The following MYRIP variants were observed in gnomAD, a reference collection of about 807,000 sequenced individuals.
MYRIP encodes rab effector MyRIP.
In MYRIP, 49 loss-of-function variants were observed where a neutral mutation model predicts 98.0. The ratio of observed to expected loss-of-function variants is 0.50; its 90% CI spans 0.40 to 0.63. MYRIP has a LOEUF of 0.63. Among genes scored for constraint, MYRIP ranks in the 30% least tolerant of loss-of-function variants. The pLI, the probability that MYRIP is intolerant of heterozygous loss-of-function variation, is 0.00. For synonymous variants in MYRIP, 404 were observed against 409.5 expected (o/e 0.99, Z 0.16); for missense variants, 1,004 against 1,058.2 (o/e 0.95, Z 0.71).
intron 1 of MYRIP, among the ~76,000 whole-genome samples, chr3:39,849,283 T>A (rs1191986427): frequency 1.3e-5 from 2 of 152,088 alleles, no homozygotes; most frequent in Non-Finnish European, 2.9e-5. Context: ...AGAAAAAAAA[T>A]TTCCCAGGAT....
At chr3:39,953,031 T>C (rs1945065642) in intron 2 of MYRIP, among the ~76,000 whole-genome samples, 1 of 152,186 alleles carries the variant, frequency 6.6e-6, no homozygotes, top group South Asian at 2.1e-4. Flanking sequence ...TCTTCCCCCA[T>C]TCTTTTGCCT....
chr3:40,218,633 T>C lies in MYRIP; in HGVS notation c.1905+8540T>C, dbSNP rs1211631659. On this transcript the variant is annotated intron_variant, in intron 11 of 16. Transcript: ENST00000302541. ...TATTTTATATATATATATATATATA[T>C]ATATATATATATATATATATATACA... Among the ~76,000 whole-genome samples the C allele has an allele frequency of 1.5e-3, 22 of 14,536 alleles. 1 individual carries two copies. In the East Asian group the frequency reaches 0.071, roughly 47 times the overall value. The allele number at this position is 14,536 out of a possible 152,430, so 9.5% of individuals were successfully genotyped here.
chr3:39,879,404 C>G (rs34556783), intron 1 of MYRIP, among the ~76,000 whole-genome samples: 20,352 of 150,840 alleles, frequency 0.13, 1,433 homozygotes, highest in Middle Eastern at 0.17. Flanking sequence ...CCTCACATGT[C>G]TAGCAATTGT....
intron 1 of MYRIP, among the ~76,000 whole-genome samples, chr3:39,878,669 C>T (rs907133258): frequency 6.6e-6 from 1 of 152,034 alleles, no homozygotes; most frequent in Admixed American, 6.6e-5. Context: ...GTTTCTAGCT[C>T]CTTATGTCTA....
chr3:40,183,858 T>G (rs958892706), intron 9 of MYRIP, among the ~76,000 whole-genome samples: 1 of 152,234 alleles, frequency 6.6e-6, no homozygotes, highest in African/African-American at 2.4e-5. Context: ...ATTTCTACTC[T>G]AAAAGGGAAA....
At chr3:40,255,644 GATAAA>G (rs756585062) in intron 16 of MYRIP, among the ~76,000 whole-genome samples, 28 of 152,242 alleles carry the variant, frequency 1.8e-4, no homozygotes, top group Non-Finnish European at 3.4e-4. Context: ...TTTAAATTTT[GATAAA>G]ATAAAGTAGT....
intron 16 of MYRIP, 126 bp downstream of exon 16, chr3:40,252,125 G>C (rs1953395331): frequency 2.7e-6 from 2 of 731,334 alleles, no homozygotes; most frequent in South Asian, 3.8e-5. Context: ...GTGGTCTTAT[G>C]GTCTGTTGGA....
rs560757388 is a variant in MYRIP at position 39,837,268 on chromosome 3, T to C, written c.-31+27352T>C. Among the ~76,000 whole-genome samples, 47 of 152,336 alleles carry C rather than the reference T, an allele frequency of 3.1e-4. 1 individual carries two copies. Among genetic ancestry groups the C allele is most frequent in the African/African-American group, 1.1e-3 (47 of 41,576 alleles). On this transcript the variant is annotated intron_variant, in intron 1 of 16. Transcript: ENST00000302541. ...GCTTTTGTTGCCATTACTTTTGGCG[T>C]TTTAGTCATGAAGTCTTTGCCCTTG...
chr3:40,086,041 TA>T (rs546811349), intron 3 of MYRIP, among the ~76,000 whole-genome samples: 248 of 151,314 alleles, frequency 1.6e-3, no homozygotes, highest in African/African-American at 5.6e-3. Flanking sequence ...AGAAATACAG[TA>T]AAAAAAACCC....
At chr3:40,189,742 T>TTG in intron 9 of MYRIP, 84 bp from the exon 10 acceptor site, 1 of 1,413,026 alleles carries the variant, frequency 7.1e-7, no homozygotes, top group Non-Finnish European at 9.5e-7. Flanking sequence ...CAAGCCACTC[T>TTG]TGGGGAGGTA....
intron 3 of MYRIP, among the ~76,000 whole-genome samples, chr3:40,059,747 G>T (rs1025693487): frequency 6.6e-6 from 1 of 152,020 alleles, no homozygotes; most frequent in Non-Finnish European, 1.5e-5. Context: ...TTCCAGACTG[G>T]GTTCTTCATC....
chr3:39,817,728 G>T (rs992019477), intron 1 of MYRIP, among the ~76,000 whole-genome samples: 18 of 152,106 alleles, frequency 1.2e-4, no homozygotes, highest in Admixed American at 9.8e-4. Context: ...CACATTTCAA[G>T]TGCTCAGTAG....
chr3:40,212,284 C>T (rs1951983108), intron 11 of MYRIP, among the ~76,000 whole-genome samples: 1 of 136,548 alleles, frequency 7.3e-6, no homozygotes, highest in Admixed American at 7.5e-5. Flanking sequence ...AGAGAGAGCG[C>T]CATATAGACT....
At chr3:40,118,676 A>G (rs983393021) in intron 3 of MYRIP, among the ~76,000 whole-genome samples, 2 of 151,578 alleles carry the variant, frequency 1.3e-5, no homozygotes, top group Admixed American at 1.3e-4. Context: ...GTATGCATAC[A>G]TGTGCCATGT....
intron 2 of MYRIP, among the ~76,000 whole-genome samples, chr3:40,020,836 C>A (rs1485507118): frequency 6.6e-6 from 1 of 152,086 alleles, no homozygotes; most frequent in East Asian, 1.9e-4. Flanking sequence ...GTAGCCAACA[C>A]GTTGATATCA....
chr3:40,071,466 G>C lies in MYRIP; in HGVS notation c.332+27195G>C, dbSNP rs114626778. On this transcript the variant is annotated intron_variant, in intron 3 of 16. Transcript: ENST00000302541. ...GCTGGGACAGTTGTGGGGTCAAGGA[G>C]AGGCTGACAGTTTATTTACTATGTG... Among the ~76,000 whole-genome samples, 911 of 152,324 alleles carry C rather than the reference G, an allele frequency of 6.0e-3. 10 individuals are homozygous for C. The highest frequency in any genetic ancestry group is 0.02 in the African/African-American group (843 of 41,572).
At chr3:39,974,266 T>C (rs1378170638) in intron 2 of MYRIP, among the ~76,000 whole-genome samples, 1 of 152,076 alleles carries the variant, frequency 6.6e-6, no homozygotes, top group Admixed American at 6.6e-5. Context: ...GAGAATACTA[T>C]AAACACCTCT....
At chr3:40,142,676 C>A (rs1040083022) in intron 3 of MYRIP, among the ~76,000 whole-genome samples, 1 of 152,086 alleles carries the variant, frequency 6.6e-6, no homozygotes, top group African/African-American at 2.4e-5. Flanking sequence ...CCAGTCTGGT[C>A]TCGAACTCCT....
intron 2 of MYRIP, among the ~76,000 whole-genome samples, chr3:40,017,526 CT>C (rs1468922529): frequency 6.6e-6 from 1 of 152,144 alleles, no homozygotes; most frequent in Non-Finnish European, 1.5e-5. Context: ...CATCTAATTA[CT>C]CATATTTGTA....
Sources: gnomAD v4.1 joint callset for allele counts (sites outside exome capture counted in the v4.1 genomes callset) on GRCh38, gnomAD v4.1.1 for gene constraint, MANE v1.5 for transcripts, NCBI Gene and HGNC (gene_info 2026-07-23, HGNC 2026-07-21) for gene names.